ADCY2: variants seen among roughly 807,000 people sequenced by gnomAD.
ADCY2 encodes adenylate cyclase 2.
In ADCY2, 31 loss-of-function variants were observed where a neutral mutation model predicts 125.2. The observed-to-expected ratio is 0.25, with a 90% CI of 0.19 to 0.33. The LOEUF (loss-of-function observed/expected upper bound fraction) is 0.33, where lower values mean the gene tolerates loss of function less well. Ranked by LOEUF, ADCY2 falls within the 10% of genes least tolerant of loss-of-function variation. The pLI is 1.00. For synonymous variants in ADCY2, 512 were observed against 548.4 expected, an observed-to-expected ratio of 0.93 and a Z score of 0.93; for missense variants, 904 against 1,418.2, an observed-to-expected ratio of 0.64 and a Z score of 5.82.
intron 1 of ADCY2, among the ~76,000 whole-genome samples, chr5:7,400,942 T>C (rs1021497919): frequency 1.3e-5 from 2 of 152,232 alleles, no homozygotes; most frequent in Non-Finnish European, 1.5e-5. Context: ...GATATTGAAA[T>C]GTATGATTAA....
chr5:7,772,873 G>T, intron 17 of ADCY2, 59 bp from the exon 18 acceptor site: 2 of 1,536,524 alleles, frequency 1.3e-6, no homozygotes, highest in Non-Finnish European at 1.8e-6. Context: ...GATTGTAATT[G>T]TTTCAGCATT....
chr5:7,546,294 A>G (rs1735145728), intron 3 of ADCY2, among the ~76,000 whole-genome samples: 1 of 152,238 alleles, frequency 6.6e-6, no homozygotes, highest in African/African-American at 2.4e-5. Flanking sequence ...ATGACTAAAT[A>G]CATCGATGAT....
At chr5:7,736,553 C>T (rs150010209) in intron 14 of ADCY2, among the ~76,000 whole-genome samples, 342 of 152,156 alleles carry the variant, frequency 2.2e-3, no homozygotes, top group Non-Finnish European at 2.7e-3. Flanking sequence ...TCATCAGATA[C>T]ATTCACAAAA....
At chr5:7,599,297 G>A (rs983926359) in intron 3 of ADCY2, among the ~76,000 whole-genome samples, 1 of 152,168 alleles carries the variant, frequency 6.6e-6, no homozygotes, top group Non-Finnish European at 1.5e-5. Context: ...AGGAGAAGCA[G>A]GAATGAAAAG....
Position 7,829,211 on chromosome 5 carries a change from G to T in ADCY2, c.*2340G>T, listed in dbSNP as rs955741596. ...AGGACCCTGAATTTGAGATCCCCGG[G>T]GCTGGGGCCCAGCACAACTGCTGTT... is the stretch of plus-strand genomic sequence containing the variant. On this transcript the variant is annotated 3_prime_UTR_variant, in exon 25 of 25. Transcript: ENST00000338316. The T allele has an allele frequency of 6.6e-6, 1 of 152,582 alleles. No homozygotes were observed. The highest frequency in any genetic ancestry group is 1.9e-4 in the East Asian group (1 of 5,184). 9.5% of individuals were successfully genotyped at this position (152,582 alleles called of 1,614,324 possible).
At chr5:7,803,080 C>T (rs969577577) in intron 21 of ADCY2, among the ~76,000 whole-genome samples, 4 of 152,076 alleles carry the variant, frequency 2.6e-5, no homozygotes, top group African/African-American at 9.7e-5. Context: ...TCAGGCAAAC[C>T]TCCTAAATGT....
chr5:7,825,274 T>C (rs326169), intron 24 of ADCY2, among the ~76,000 whole-genome samples: 6,593 of 139,990 alleles, frequency 0.047, 316 homozygotes, highest in African/African-American at 0.15. Flanking sequence ...GCCATGACAA[T>C]GCTGCTGTGT....
intron 2 of ADCY2, among the ~76,000 whole-genome samples, chr5:7,452,636 A>G (rs1192113308): frequency 6.6e-6 from 1 of 152,232 alleles, no homozygotes; most frequent in Non-Finnish European, 1.5e-5. Flanking sequence ...TTGCTGGATC[A>G]AATGGTAGAT....
chr5:7,414,885 G>T, intron 2 of ADCY2, 115 bp downstream of exon 2: 1 of 848,118 alleles, frequency 1.2e-6, no homozygotes, highest in Admixed American at 3.7e-5. Context: ...TGAGAGCAGA[G>T]TCTATTTTTT....
At position 7,757,505 on chromosome 5, in the gene ADCY2, C is replaced by T; in HGVS notation, c.2013C>T (p.Ile671=). The T allele has an allele frequency of 6.2e-7, 1 of 1,614,146 alleles. No homozygotes were observed. The highest frequency in any genetic ancestry group is 8.5e-7 in the Non-Finnish European group (1 of 1,180,030). Residue 671 remains isoleucine (I), a synonymous_variant, in exon 16 of 25, where the codon ATC becomes ATT. Coordinates refer to ENST00000338316, the MANE Select transcript of ADCY2 (RefSeq NM_020546.3). The part of the protein sequence containing the change: ...LLMWLLKSSG[I]IANRPWPRIS... ...TGTGGCTTTTGAAGTCCTCGGGCAT[C>T]ATTGCCAACCGCCCCTGGCCACGGA...
Position 7,614,049 on chromosome 5 carries a change from C to T in ADCY2, c.571-12118C>T, listed in dbSNP as rs1737666958. Among the ~76,000 whole-genome samples the T allele has an allele frequency of 1.3e-5, 2 of 152,110 alleles. 1 individual carries two copies. The highest frequency in any genetic ancestry group is 4.8e-5 in the African/African-American group (2 of 41,410). On this transcript the variant is annotated intron_variant, in intron 3 of 24. Coordinates refer to ENST00000338316, the MANE Select transcript of ADCY2 (RefSeq NM_020546.3). The stretch of plus-strand genomic sequence containing the variant: ...GAATTAATATAACTCTAAATTTGAC[C>T]AGTTTGAGCAATCAATAATGCATCT...
At position 7,475,487 on chromosome 5, in the gene ADCY2, T is replaced by G. The variant is rs11954921; in HGVS notation, c.409-45251T>G. 5.7e-3 allele frequency among the ~76,000 whole-genome samples: 870 copies of G among 152,072 alleles called. 6 individuals are homozygous for G. The highest frequency in any genetic ancestry group is 0.019 in the African/African-American group (790 of 41,478). ...ACCTCCGTCCCCCGGGTTTGAGAGATTCTCCTGACTCAGCCTCCCAAGTAT... is the reference window on the plus strand; with the variant it reads ...ACCTCCGTCCCCCGGGTTTGAGAGAGTCTCCTGACTCAGCCTCCCAAGTAT... On this transcript the variant is annotated intron_variant, in intron 2 of 24. Transcript: ENST00000338316.
At chr5:7,515,904 G>A (rs1744237930) in intron 2 of ADCY2, among the ~76,000 whole-genome samples, 1 of 152,200 alleles carries the variant, frequency 6.6e-6, no homozygotes. Context: ...AGCCAATGAA[G>A]AGGACTAGAG....
At chr5:7,772,272 G>C (rs372546644) in intron 17 of ADCY2, among the ~76,000 whole-genome samples, 1 of 152,150 alleles carries the variant, frequency 6.6e-6, no homozygotes, top group South Asian at 2.1e-4. Context: ...CCTGGGGCAG[G>C]CCTGCCTTCA....
At chr5:7,779,568 A>G (rs993071917) in intron 18 of ADCY2, among the ~76,000 whole-genome samples, 2 of 16,526 alleles carry the variant, frequency 1.2e-4, no homozygotes, top group African/African-American at 2.0e-4. Context: ...CAGCACTCCC[A>G]GTCCAACCCC....
intron 2 of ADCY2, among the ~76,000 whole-genome samples, chr5:7,417,421 A>G (rs1245773434): frequency 1.3e-5 from 2 of 152,078 alleles, no homozygotes; most frequent in Non-Finnish European, 2.9e-5. Context: ...TCTCCCTTTC[A>G]TATCCTTAAT....
chr5:7,434,365 C>G (rs1740718861), intron 2 of ADCY2, among the ~76,000 whole-genome samples: 1 of 152,202 alleles, frequency 6.6e-6, no homozygotes, highest in Admixed American at 6.5e-5. Flanking sequence ...CTGCATATAT[C>G]AGAAGTTGTC....
At chr5:7,670,995 G>T (rs902674379) in intron 4 of ADCY2, among the ~76,000 whole-genome samples, 1 of 152,078 alleles carries the variant, frequency 6.6e-6, no homozygotes, top group Non-Finnish European at 1.5e-5. Flanking sequence ...TCCGTCTCTG[G>T]GTAGTGCTTT....
chr5:7,645,879 G>A (rs547266664), intron 4 of ADCY2, among the ~76,000 whole-genome samples: 2 of 152,260 alleles, frequency 1.3e-5, no homozygotes, highest in South Asian at 4.1e-4. Flanking sequence ...TTTGCATTTT[G>A]CATAAACAAC....
Sources: allele counts gnomAD v4.1 joint callset (sites outside exome capture counted in the v4.1 genomes callset), GRCh38; gene constraint gnomAD v4.1.1; transcripts MANE v1.5; gene names NCBI Gene and HGNC (gene_info 2026-07-23, HGNC 2026-07-21).